Variants in MCMBP observed in about 807,000 individuals in gnomAD.
The protein encoded by MCMBP is minichromosome maintenance complex binding protein.
MCMBP carries 31 observed loss-of-function variants against 81.3 expected under a neutral mutation model. The ratio of observed to expected loss-of-function variants is 0.38; its 90% confidence interval spans 0.29 to 0.51. The LOEUF (loss-of-function observed/expected upper bound fraction) is 0.51. Among genes scored for constraint, MCMBP ranks in the 20% least tolerant of loss-of-function variants. The pLI is 0.87. For missense variants in MCMBP, 645 were observed against 772.1 expected (o/e 0.84, Z 1.95); for synonymous variants, 267 against 275.9 (o/e 0.97, Z 0.32).
intron 12 of MCMBP, among the ~76,000 whole-genome samples, chr10:119,837,232 G>A (rs1168713910): frequency 6.6e-6 from 1 of 152,012 alleles, no homozygotes; most frequent in Non-Finnish European, 1.5e-5. Flanking sequence ...GGGGGCAGGC[G>A]ATACCCCCGC....
intron 7 of MCMBP, among the ~76,000 whole-genome samples, chr10:119,848,410 G>A (rs1009470450): frequency 3.3e-5 from 5 of 152,032 alleles, no homozygotes; most frequent in Non-Finnish European, 5.9e-5. Flanking sequence ...TCAGGAGTTC[G>A]AGACCAGCCT....
In MCMBP at chr10:119,840,824, AT is replaced by A; in HGVS notation, c.1242+18del. The A allele has an allele frequency of 7.1e-7, 1 of 1,417,776 alleles. No individual in the cohort carries two copies. Among genetic ancestry groups the A allele is most frequent in the Non-Finnish European group, 9.8e-7 (1 of 1,024,658 alleles). 87.8% of individuals were successfully genotyped at this position (1,417,776 alleles called of 1,614,324 possible). A position where few individuals can be genotyped will look rare whatever the true frequency, so the allele number is the denominator to read the frequency against. On this transcript the variant is annotated intron_variant, in intron 11 of 15. Coordinates refer to ENST00000369077, the MANE Select transcript of MCMBP (RefSeq NM_001256378.2). ...TTAAGTGTGCTTAGGTTTATAATAC[AT>A]ATTTATATTCATCTTACTGCTGGAA...
At chr10:119,867,720 G>C (rs1329290996) in intron 1 of MCMBP, among the ~76,000 whole-genome samples, 1 of 152,176 alleles carries the variant, frequency 6.6e-6, no homozygotes, top group Non-Finnish European at 1.5e-5. Context: ...AAGAAATACT[G>C]AGTTGCTTGG....
chr10:119,833,498 AAAAG>A (rs954522536), intron 14 of MCMBP, among the ~76,000 whole-genome samples: 35 of 152,088 alleles, frequency 2.3e-4, no homozygotes, highest in African/African-American at 7.9e-4. Context: ...GAAAGAAAAA[AAAAG>A]AAAAGAAAAA....
chr10:119,831,656 A>G, intron 15 of MCMBP, 56 bp from the exon 16 acceptor site: 1 of 1,585,738 alleles, frequency 6.3e-7, no homozygotes, highest in Non-Finnish European at 8.6e-7. Context: ...TAAGTTTTAA[A>G]TTTTTTTTAA....
intron 1 of MCMBP, among the ~76,000 whole-genome samples, chr10:119,867,901 T>C (rs1469748277): frequency 2.6e-5 from 4 of 152,172 alleles, no homozygotes; most frequent in Non-Finnish European, 5.9e-5. Context: ...AGGGCACAGA[T>C]TGTCTGTTTA....
intron 5 of MCMBP, among the ~76,000 whole-genome samples, chr10:119,854,952 CA>C (rs748009891): frequency 0.12 from 17,566 of 144,102 alleles, 1,080 homozygotes; most frequent in South Asian, 0.17. Context: ...GACTCTGCCT[CA>C]AAAAAAAAAA....
At chr10:119,867,241 C>CG (rs1472871772) in intron 1 of MCMBP, among the ~76,000 whole-genome samples, 1 of 135,634 alleles carries the variant, frequency 7.4e-6, no homozygotes, top group Non-Finnish European at 1.5e-5. Context: ...TGCAGTGAGC[C>CG]GAAATCGCAC....
chr10:119,851,474 C>G (rs968079382), intron 6 of MCMBP, among the ~76,000 whole-genome samples: 29 of 152,138 alleles, frequency 1.9e-4, no homozygotes, highest in African/African-American at 5.8e-4. Flanking sequence ...CTCTGTCACT[C>G]TGGCTGGAGT....
chr10:119,864,036 T>G (rs892351181), intron 1 of MCMBP, among the ~76,000 whole-genome samples: 1 of 151,086 alleles, frequency 6.6e-6, no homozygotes, highest in African/African-American at 2.4e-5. Context: ...GTGGGTTCAA[T>G]GTAATCACAA....
intron 1 of MCMBP, among the ~76,000 whole-genome samples, chr10:119,862,010 T>C (rs1013567183): frequency 1.3e-5 from 2 of 152,130 alleles, no homozygotes; most frequent in African/African-American, 2.4e-5. Flanking sequence ...GCACTTAAAA[T>C]GAAAAAATCC....
At chr10:119,872,875 C>T (rs2134422600), upstream of MCMBP, 1 of 154,748 alleles carries the variant, frequency 6.5e-6, no homozygotes, top group Admixed American at 6.5e-5. Flanking sequence ...ACCGCGCTGC[C>T]TGCGACCTGG....
intron 1 of MCMBP, among the ~76,000 whole-genome samples, chr10:119,870,425 T>A (rs1418175268): frequency 6.6e-6 from 1 of 151,376 alleles, no homozygotes; most frequent in Non-Finnish European, 1.5e-5. Flanking sequence ...CCAGCCTGGG[T>A]GACAGTGCGA....
rs1853143887 is a variant in MCMBP at position 119,858,888 on chromosome 10, C to T, written c.323G>A (p.Cys108Tyr). ...HFGKYRDVAE[C>Y]GPQQELDLNS... ...ATATATATTAAAGATACATACCCCA[C>T]ACTCTGCTACATCTCTATATTTTCC... The change falls in exon 4 of 16, where the codon TGT (cysteine) becomes TAT (tyrosine). Residue 108 changes from cysteine to tyrosine, a missense_variant. Physicochemically the swap from Cys to Tyr is radical, Grantham distance 194. Transcript: ENST00000369077. 4 of 1,607,842 alleles carry T rather than the reference C, an allele frequency of 2.5e-6. No homozygotes were observed. Among genetic ancestry groups the T allele is most frequent in the Non-Finnish European group, 3.4e-6 (4 of 1,175,986 alleles).
chr10:119,860,232 TTC>T (rs1853204601), intron 1 of MCMBP, among the ~76,000 whole-genome samples: 1 of 152,198 alleles, frequency 6.6e-6, no homozygotes, highest in Non-Finnish European at 1.5e-5. Context: ...TTGTAAAGCA[TTC>T]TGTTCTTTCA....
chr10:119,858,656 G>A (rs1853137385), intron 4 of MCMBP, among the ~76,000 whole-genome samples: 1 of 152,002 alleles, frequency 6.6e-6, no homozygotes, highest in Non-Finnish European at 1.5e-5. Context: ...ACAGATATTG[G>A]AGAGAGGAAT....
intron 1 of MCMBP, among the ~76,000 whole-genome samples, chr10:119,871,701 A>G (rs187295020): frequency 1.1e-4 from 17 of 152,158 alleles, no homozygotes; most frequent in Non-Finnish European, 1.9e-4. Context: ...AGGTGTTGCC[A>G]TCTACAGTGA....
chr10:119,846,472 A>G (rs1215658816), intron 8 of MCMBP, among the ~76,000 whole-genome samples: 1 of 152,248 alleles, frequency 6.6e-6, no homozygotes, highest in East Asian at 1.9e-4. Context: ...TAAATTGGTG[A>G]AAGTTTAATG....
chr10:119,831,477 A>C lies in MCMBP; in HGVS notation c.1920T>G (p.Leu640=). 6.2e-7 allele frequency: 1 copy of C among 1,613,892 alleles called. No individual in the cohort carries two copies. The highest frequency in any genetic ancestry group is 8.5e-7 in the Non-Finnish European group (1 of 1,179,850). Reference sequence around the variant, plus strand: ...ACTCTTCATAGGTATTACATCTTTAAAGTTCATTTCCATTCACACATTTTT... The same window carrying C: ...ACTCTTCATAGGTATTACATCTTTACAGTTCATTTCCATTCACACATTTTT... ...QQQKCVNGNE[L] Residue 640 remains leucine (L), a synonymous_variant, in exon 16 of 16, where the codon CTT becomes CTG. Coordinates refer to ENST00000369077, the MANE Select transcript of MCMBP (RefSeq NM_001256378.2).
Sources: allele counts gnomAD v4.1 joint callset (sites outside exome capture counted in the v4.1 genomes callset), GRCh38; gene constraint gnomAD v4.1.1; transcripts MANE v1.5; gene names NCBI Gene and HGNC (gene_info 2026-07-23, HGNC 2026-07-21).